FGD6: variants seen among roughly 807,000 people sequenced by gnomAD.
FGD6 encodes the protein FYVE, RhoGEF and PH domain-containing protein 6.
A neutral mutation model predicts 149.4 loss-of-function variants in FGD6; 90 were observed. The observed-to-expected ratio is 0.60, with a 90% CI of 0.51 to 0.72. The LOEUF is 0.72. FGD6 is among the 30% of genes least tolerant of loss of function. The pLI, the probability that FGD6 is intolerant of heterozygous loss-of-function variation, is 0.00. For missense variants in FGD6, 1,437 were observed against 1,684.8 expected, an observed-to-expected ratio of 0.85 and a Z score of 2.57; for synonymous variants, 527 against 584.0, an observed-to-expected ratio of 0.90 and a Z score of 1.41.
chr12:95,100,027 T>C (rs1878366925), intron 14 of FGD6, among the ~76,000 whole-genome samples: 1 of 150,070 alleles, frequency 6.7e-6, no homozygotes, highest in African/African-American at 2.5e-5. Flanking sequence ...TTCTGGTCTC[T>C]GATGCTCCTC....
chr12:95,121,463 AGATATATATATATATATGT>A (rs1334001096), intron 8 of FGD6, among the ~76,000 whole-genome samples: 4 of 53,564 alleles, frequency 7.5e-5, no homozygotes, highest in South Asian at 8.8e-4. Flanking sequence ...AAAAAAAAAA[AGATATATATATATATATGT>A]ATATATATAT....
At chr12:95,200,864 C>T (rs1021552232) in intron 2 of FGD6, among the ~76,000 whole-genome samples, 1 of 152,090 alleles carries the variant, frequency 6.6e-6, no homozygotes, top group Non-Finnish European at 1.5e-5. Flanking sequence ...GTAGGCAGTT[C>T]CATTCCTGAA....
intron 2 of FGD6, among the ~76,000 whole-genome samples, chr12:95,184,314 A>C (rs1485100359): frequency 1.3e-5 from 2 of 152,218 alleles, no homozygotes; most frequent in Non-Finnish European, 2.9e-5. Flanking sequence ...TTGGGAGCCC[A>C]TGAGGAGCCA....
At chr12:95,172,889 A>G (rs1020069937) in intron 2 of FGD6, 145 bp from the exon 3 acceptor site, 1 of 632,516 alleles carries the variant, frequency 1.6e-6, no homozygotes, top group Non-Finnish European at 2.4e-6. Context: ...AGATCAGCCA[A>G]CTTTCCCTTC....
chr12:95,123,460 A>T (rs1879249820), intron 8 of FGD6, among the ~76,000 whole-genome samples: 1 of 152,070 alleles, frequency 6.6e-6, no homozygotes, highest in Admixed American at 6.6e-5. Flanking sequence ...TTTGACACAG[A>T]TCTCATGATA....
chr12:95,136,270 A>G (rs1879663679), intron 7 of FGD6, among the ~76,000 whole-genome samples: 1 of 152,128 alleles, frequency 6.6e-6, no homozygotes, highest in African/African-American at 2.4e-5. Context: ...AGGCAGGAAA[A>G]TCACGTGAAC....
chr12:95,093,252 A>C (rs1429750481), intron 15 of FGD6, among the ~76,000 whole-genome samples: 1 of 151,956 alleles, frequency 6.6e-6, no homozygotes, highest in African/African-American at 2.4e-5. Flanking sequence ...GATGGGGATA[A>C]AATATGGGCC....
chr12:95,158,187 T>A (rs1215111902), intron 3 of FGD6, among the ~76,000 whole-genome samples: 15 of 67,508 alleles, frequency 2.2e-4, no homozygotes, highest in South Asian at 5.3e-4. Flanking sequence ...TTTTTTTTTT[T>A]AACACAGGGT....
chr12:95,206,836 G>A (rs1157343964), intron 2 of FGD6, among the ~76,000 whole-genome samples: 2 of 152,154 alleles, frequency 1.3e-5, no homozygotes, highest in Non-Finnish European at 2.9e-5. Context: ...GAGGAAAGTA[G>A]CCATTTTTAG....
intron 2 of FGD6, among the ~76,000 whole-genome samples, chr12:95,205,364 C>G (rs2056687796): frequency 6.6e-6 from 1 of 152,102 alleles, no homozygotes; most frequent in Admixed American, 6.6e-5. Context: ...TGTCAAAAGT[C>G]TGTTTACTAA....
At chr12:95,193,388 G>A (rs1881645201) in intron 2 of FGD6, among the ~76,000 whole-genome samples, 1 of 150,136 alleles carries the variant, frequency 6.7e-6, no homozygotes, top group South Asian at 2.1e-4. Flanking sequence ...GCGGAATTTC[G>A]CTTTCATCAC....
At chr12:95,103,649 C>T (rs575269584) in intron 14 of FGD6, among the ~76,000 whole-genome samples, 1 of 152,302 alleles carries the variant, frequency 6.6e-6, no homozygotes, top group Non-Finnish European at 1.5e-5. Context: ...ATTCTCCTGC[C>T]TCAGCCTCCC....
chr12:95,157,290 G>A lies in FGD6; in HGVS notation c.2587-4297C>T, dbSNP rs187483054. ...CCATAAGAATATAAATACTGGGCTG[G>A]GTGCGGTGGCTGACGCCTGTAATCC... is the stretch of plus-strand genomic sequence containing the variant. On this transcript the variant is annotated intron_variant, in intron 3 of 20. Transcript: ENST00000343958. Among the ~76,000 whole-genome samples, 18 of 152,244 alleles carry A rather than the reference G, an allele frequency of 1.2e-4. No homozygotes were observed. The East Asian group carries it at 3.3e-3, about 28-fold the overall frequency.
At chr12:95,156,536 C>T (rs575922311) in intron 3 of FGD6, among the ~76,000 whole-genome samples, 6 of 152,206 alleles carry the variant, frequency 3.9e-5, no homozygotes, top group South Asian at 2.1e-4. Flanking sequence ...AATGTGTGCC[C>T]GAAACTTCAT....
chr12:95,084,445 A>C, intron 20 of FGD6, 53 bp downstream of exon 20: 1 of 1,435,496 alleles, frequency 7.0e-7, no homozygotes, highest in Non-Finnish European at 9.2e-7. Context: ...ACAAGCAACC[A>C]TTAAAAAACT....
chr12:95,151,678 G>A (rs567186331), intron 5 of FGD6, among the ~76,000 whole-genome samples: 52 of 152,266 alleles, frequency 3.4e-4, no homozygotes, highest in South Asian at 8.3e-4. Context: ...TCCATTCAAA[G>A]AAAACCTGAA....
chr12:95,167,112 CGCAAAGT>C (rs1880842141), intron 3 of FGD6, among the ~76,000 whole-genome samples: 1 of 152,108 alleles, frequency 6.6e-6, no homozygotes, highest in Non-Finnish European at 1.5e-5. Flanking sequence ...ACCTTGGCCT[CGCAAAGT>C]GCTGGGATTA....
chr12:95,134,442 A>G (rs925849556), intron 8 of FGD6, among the ~76,000 whole-genome samples: 1 of 152,162 alleles, frequency 6.6e-6, no homozygotes, highest in Non-Finnish European at 1.5e-5. Flanking sequence ...TAGCCAGGTG[A>G]AATGATGCAC....
Position 95,101,720 on chromosome 12 carries a change from G to C in FGD6, c.3497+3287C>G, listed in dbSNP as rs141827481. Among the ~76,000 whole-genome samples, 823 of 117,830 alleles carry C rather than the reference G, an allele frequency of 7.0e-3. 14 individuals carry two copies. The highest frequency in any genetic ancestry group is 0.026 in the African/African-American group (771 of 29,628). The allele number at this position is 117,830 out of a possible 152,430, so 77.3% of individuals were successfully genotyped here. A position where few individuals can be genotyped will look rare whatever the true frequency, so the allele number is the denominator to read the frequency against. On this transcript the variant is annotated intron_variant, in intron 14 of 20. Transcript: ENST00000343958. ...TTTTTTTGAGATGGAGCCTCACTCT[G>C]TTGCCAGGTTGGAGTGCAGTGGTGC...
Sources: allele counts gnomAD v4.1 joint callset (sites outside exome capture counted in the v4.1 genomes callset), GRCh38; gene constraint gnomAD v4.1.1; transcripts MANE v1.5; gene names NCBI Gene and HGNC (gene_info 2026-07-23, HGNC 2026-07-21).